ERV3-1: variants seen among roughly 807,000 people sequenced by gnomAD.
The protein encoded by ERV3-1 is endogenous retrovirus group 3 member 1, envelope, also known as endogenous retrovirus group 3 member 1 Env polyprotein.
In ERV3-1, 36 loss-of-function variants were observed where a neutral mutation model predicts 24.6. The ratio of observed to expected loss-of-function variants is 1.47; its 90% CI spans 1.12 to 1.94. The LOEUF is 1.94. ERV3-1 is among the 30% of genes most tolerant of loss of function. The pLI is 0.00. For missense variants in ERV3-1, 578 were observed against 330.9 expected, an observed-to-expected ratio of 1.75 and a Z score of -5.79; for synonymous variants, 211 against 122.6, an observed-to-expected ratio of 1.72 and a Z score of -4.76.
intron 1 of ERV3-1, among the ~76,000 whole-genome samples, chr7:64,997,844 G>C (rs1471337674): frequency 6.6e-6 from 1 of 152,120 alleles, no homozygotes; most frequent in African/African-American, 2.4e-5. Context: ...TAGGGAGTAT[G>C]GTGTTTCCAG....
Position 64,997,206 on chromosome 7 carries a change from C to T in ERV3-1, c.-388-3792G>A, listed in dbSNP as rs78771187. Among the ~76,000 whole-genome samples, 2,085 of 152,296 alleles carry T rather than the reference C, an allele frequency of 0.014. 91 individuals are homozygous for T. The East Asian group carries it at 0.15, about 11-fold the overall frequency. ...CCTGTGAGGACTGCCACTAGCAGAT[C>T]GGCCTTTTTCTTAAGTCTGATCAGC... is the stretch of plus-strand genomic sequence containing the variant. On this transcript the variant is annotated intron_variant, in intron 1 of 1. Coordinates refer to ENST00000394323, the MANE Select transcript of ERV3-1 (RefSeq NM_001007253.4).
rs777228797 is a variant in ERV3-1 at position 64,992,005 on chromosome 7, A to G, written c.1022T>C (p.Ile341Thr). 5 of 766,412 alleles carry G rather than the reference A, an allele frequency of 6.5e-6. No homozygotes were observed. The highest frequency in any genetic ancestry group is 1.2e-5 in the Non-Finnish European group (5 of 417,904). 47.5% of individuals were successfully genotyped at this position (766,412 alleles called of 1,614,324 possible). A position where few individuals can be genotyped will look rare whatever the true frequency, so the allele number is the denominator to read the frequency against. ...CCAGCGAGCAATACAGAATTTTCCA[A>G]TAATGGAGGTTTTTAAGAACCAGAT... ...QSIWFLKTSI[I>T]GKFCIARWGK... Residue 341 changes from isoleucine (I) to threonine (T), a missense_variant, in exon 2 of 2, where the codon ATT becomes ACT. Coordinates refer to ENST00000394323, the MANE Select transcript of ERV3-1 (RefSeq NM_001007253.4).
In ERV3-1 at chr7:64,993,274, CTGT is replaced by C. The variant is rs1203828475; in HGVS notation, c.-251_-249del. 2 of 431,714 alleles carry C rather than the reference CTGT, an allele frequency of 4.6e-6. No homozygotes were observed. The highest frequency in any genetic ancestry group is 2.0e-5 in the African/African-American group (1 of 50,762). 26.7% of individuals were successfully genotyped at this position (431,714 alleles called of 1,614,324 possible). ...AGCTTCCGGAGTGACCAGAGCAGGGCTGTTGTCATCTCACTGGCACCTTGGTTC... is the reference window on the plus strand; with the variant it reads ...AGCTTCCGGAGTGACCAGAGCAGGGCTGTCATCTCACTGGCACCTTGGTTC... On this transcript the variant is annotated 5_prime_UTR_variant, in exon 2 of 2. Coordinates refer to ENST00000394323, the MANE Select transcript of ERV3-1 (RefSeq NM_001007253.4).
At chr7:64,997,947 G>A (rs776399793) in intron 1 of ERV3-1, among the ~76,000 whole-genome samples, 4 of 152,142 alleles carry the variant, frequency 2.6e-5, no homozygotes, top group Non-Finnish European at 4.4e-5. Context: ...ATAGGTCCCC[G>A]TGTTTCACGG....
intron 1 of ERV3-1, among the ~76,000 whole-genome samples, chr7:64,996,877 G>T (rs1786416215): frequency 6.7e-6 from 1 of 149,990 alleles, no homozygotes; most frequent in South Asian, 2.1e-4. Flanking sequence ...TGGGCTCCTG[G>T]GGGGCTAAAG....
rs1199350296 is a variant in ERV3-1, at chr7:64,992,176, G to GAC, written c.850_851insGT (p.Ala284GlyfsTer16). On this transcript the variant is annotated frameshift_variant, in exon 2 of 2. Transcript: ENST00000394323. LOFTEE classifies it high-confidence loss of function. ...ACATGAAGCAACGTGCAGGCTGCTG[G>GAC]CTATGTTTTCAGCCAGTTGGGCGAA... 2.1e-5 allele frequency: 16 copies of GAC among 766,282 alleles called. No individual in the cohort carries two copies. The highest frequency in any genetic ancestry group is 3.8e-5 in the Non-Finnish European group (16 of 417,920). 47.5% of individuals were successfully genotyped at this position (766,282 alleles called of 1,614,324 possible). A position where few individuals can be genotyped will look rare whatever the true frequency, so the allele number is the denominator to read the frequency against.
Position 64,991,695 on chromosome 7 carries a change from C to T in ERV3-1, c.1332G>A (p.Pro444=), listed in dbSNP as rs182693900. 2.9e-4 allele frequency: 215 copies of T among 745,524 alleles called. 1 individual carries two copies. The East Asian group carries it at 3.2e-3, about 11-fold the overall frequency. 46.2% of individuals were successfully genotyped at this position (745,524 alleles called of 1,614,324 possible). A position where few individuals can be genotyped will look rare whatever the true frequency, so the allele number is the denominator to read the frequency against. The change falls in exon 2 of 2, where the codon CCG becomes CCA. Residue 444 remains proline, a synonymous_variant. Coordinates refer to ENST00000394323, the MANE Select transcript of ERV3-1 (RefSeq NM_001007253.4). ...SGACVLGTIR[P]SFFLMPLKQG... is the part of the protein sequence containing the mutation. Reference sequence around the variant, plus strand: ...GTTTTAGGGGCATTAGGAAGAAGGACGGCCTAATTGTCCCCAGTACACAGG... The same window carrying T: ...GTTTTAGGGGCATTAGGAAGAAGGATGGCCTAATTGTCCCCAGTACACAGG...
At chr7:64,997,292 T>C (rs760410459) in intron 1 of ERV3-1, among the ~76,000 whole-genome samples, 6 of 152,192 alleles carry the variant, frequency 3.9e-5, no homozygotes, top group Admixed American at 6.5e-5. Flanking sequence ...AAAAGCTGAG[T>C]GGCATTCATG....
rs1313605005 is a variant in ERV3-1 at position 64,991,789 on chromosome 7, G to A, written c.1238C>T (p.Ala413Val). The A allele has an allele frequency of 2.6e-6, 2 of 766,056 alleles. No individual in the cohort carries two copies. The highest frequency in any genetic ancestry group is 3.4e-5 in the African/African-American group (2 of 59,136). 47.5% of individuals were successfully genotyped at this position (766,056 alleles called of 1,614,324 possible). A position where few individuals can be genotyped will look rare whatever the true frequency, so the allele number is the denominator to read the frequency against. Residue 413 changes from alanine (A) to valine (V), a missense_variant, in exon 2 of 2, where the codon GCA (alanine) becomes GTA (valine). Transcript: ENST00000394323. ...YQLEAPNTWQ[A>V]PSGLYWICGP... ...ACAGATCCAGTAGAGGCCAGAGGGT[G>A]CCTGCCAGGTATTTGGAGCTTCAAG...
chr7:65,001,948 A>C (rs4718180), intron 1 of ERV3-1, among the ~76,000 whole-genome samples: 77,788 of 151,996 alleles, frequency 0.51, 20,856 homozygotes, highest in Admixed American at 0.63. Flanking sequence ...TTAAAAATTC[A>C]GGACTCCCAT....
At chr7:64,995,946 G>A (rs1245054689) in intron 1 of ERV3-1, among the ~76,000 whole-genome samples, 1 of 152,222 alleles carries the variant, frequency 6.6e-6, no homozygotes, top group Non-Finnish European at 1.5e-5. Flanking sequence ...TGGGAGACTA[G>A]TCCAGGCGAG....
rs757548567 is a variant in ERV3-1, at chr7:64,991,857, G to A, written c.1170C>T (p.Ser390=). 1.3e-6 allele frequency: 1 copy of A among 766,158 alleles called. No individual in the cohort carries two copies. Among genetic ancestry groups the A allele is most frequent in the African/African-American group, 1.7e-5 (1 of 59,102 alleles). 47.5% of individuals were successfully genotyped at this position (766,158 alleles called of 1,614,324 possible). A position where few individuals can be genotyped will look rare whatever the true frequency, so the allele number is the denominator to read the frequency against. The stretch of plus-strand genomic sequence containing the variant: ...TTAAAGATGGGAAACGAGAGAATGG[G>A]CTTGGGTGTGGTGATTCAGAATTAT... ...KSNNSESPHP[S]PFSRFPSLNH... is the part of the protein sequence containing the mutation. Residue 390 remains serine (S), a synonymous_variant, in exon 2 of 2, where the codon AGC becomes AGT. Transcript: ENST00000394323.
chr7:64,991,487 G>A lies in ERV3-1; in HGVS notation c.1540C>T (p.Arg514Cys), dbSNP rs1259230422. 42 of 704,006 alleles carry A rather than the reference G, an allele frequency of 6.0e-5. No individual in the cohort carries two copies. The highest frequency in any genetic ancestry group is 2.1e-4 in the East Asian group (8 of 37,290). 43.6% of individuals were successfully genotyped at this position (704,006 alleles called of 1,614,324 possible). ...GYRTPVYMLN[R>C]IIRLQAVLEI... The stretch of plus-strand genomic sequence containing the variant: ...AGTACTGCCTGCAATCTTATAATGC[G>A]GTTAAGCATGTAAACTGGGGTGCGG... The change falls in exon 2 of 2, where the codon CGC becomes TGC. Residue 514 changes from arginine to cysteine, a missense_variant. Arg to Cys is a radical substitution (Grantham distance 180, BLOSUM62 -3). Coordinates refer to ENST00000394323, the MANE Select transcript of ERV3-1 (RefSeq NM_001007253.4).
intron 1 of ERV3-1, among the ~76,000 whole-genome samples, chr7:64,995,450 T>G (rs1041955997): frequency 6.6e-6 from 1 of 152,218 alleles, no homozygotes; most frequent in African/African-American, 2.4e-5. Context: ...GAGTTAGGGC[T>G]TCTTTGATTT....
intron 1 of ERV3-1, among the ~76,000 whole-genome samples, chr7:65,002,498 A>T (rs1786545366): frequency 1.3e-5 from 2 of 150,736 alleles, no homozygotes; most frequent in Admixed American, 6.6e-5. Context: ...TAATTTTTAT[A>T]TTTTTTTTTA....
rs763817140 is a variant in ERV3-1, at chr7:64,991,587, G to A, written c.1440C>T (p.Asp480=). The change falls in exon 2 of 2, where the codon GAC becomes GAT. Residue 480 remains aspartate, a synonymous_variant. Coordinates refer to ENST00000394323, the MANE Select transcript of ERV3-1 (RefSeq NM_001007253.4). The stretch of plus-strand genomic sequence containing the variant: ...TTATTCTTTCAGGAGGCCATTCATT[G>A]TCCTTCCAATCTCCTATAGTTATGC... ...KRGITIGDWK[D]NEWPPERIIQ... 7.1e-6 allele frequency: 5 copies of A among 704,074 alleles called. No individual in the cohort carries two copies. The South Asian group carries it at 7.4e-5, about 10-fold the overall frequency. The allele number at this position is 704,074 out of a possible 1,614,324, so 43.6% of individuals were successfully genotyped here.
rs1786251059 is a variant in ERV3-1 at position 64,991,042 on chromosome 7, G to C, written c.*170C>G. The C allele has an allele frequency of 1.1e-5, 6 of 540,260 alleles. No homozygotes were observed. Among genetic ancestry groups the C allele is most frequent in the Non-Finnish European group, 2.0e-5 (6 of 305,654 alleles). 33.5% of individuals were successfully genotyped at this position (540,260 alleles called of 1,614,324 possible). A position where few individuals can be genotyped will look rare whatever the true frequency, so the allele number is the denominator to read the frequency against. On this transcript the variant is annotated 3_prime_UTR_variant, in exon 2 of 2. Transcript: ENST00000394323. The stretch of plus-strand genomic sequence containing the variant: ...CTTAGTTAGGGCCATTAGTCGTGTG[G>C]TAGTCCGTCTGTCCACAAGAGCCTC...
At chr7:64,994,880 C>T (rs1331776147) in intron 1 of ERV3-1, among the ~76,000 whole-genome samples, 2 of 152,242 alleles carry the variant, frequency 1.3e-5, no homozygotes, top group Non-Finnish European at 2.9e-5. Flanking sequence ...CTAAGGTCAC[C>T]ACTGCCTACC....
At position 64,992,337 on chromosome 7, in the gene ERV3-1, G is replaced by T; in HGVS notation, c.690C>A (p.Gly230=). The change falls in exon 2 of 2, where the codon GGC becomes GGA. Residue 230 remains glycine (G), a synonymous_variant. Coordinates refer to ENST00000394323, the MANE Select transcript of ERV3-1 (RefSeq NM_001007253.4). ...LGARVSGEEI[G]PGAYVYLYII... is the part of the protein sequence containing the mutation. ...TATATAGATAGACATAGGCTCCTGG[G>T]CCAATTTCTTCACCGCTGACTCGTG... 1 of 766,318 alleles carries T rather than the reference G, an allele frequency of 1.3e-6. No individual in the cohort carries two copies. The highest frequency in any genetic ancestry group is 2.4e-6 in the Non-Finnish European group (1 of 417,896). 47.5% of individuals were successfully genotyped at this position (766,318 alleles called of 1,614,324 possible).
Sources: gnomAD v4.1 joint callset for allele counts (sites outside exome capture counted in the v4.1 genomes callset) on GRCh38, gnomAD v4.1.1 for gene constraint, MANE v1.5 for transcripts, NCBI Gene and HGNC (gene_info 2026-07-23, HGNC 2026-07-21) for gene names.